The following GATAD2B variants were observed in gnomAD, a reference collection of about 807,000 sequenced individuals.
GATAD2B encodes GATA zinc finger domain containing 2B.
GATAD2B carries 8 observed loss-of-function variants against 64.3 expected under a neutral mutation model. The ratio of observed to expected loss-of-function variants is 0.12; its 90% CI spans 0.07 to 0.22. GATAD2B has a LOEUF of 0.22. Ranked by LOEUF, GATAD2B falls within the 10% of genes least tolerant of loss-of-function variation. The probability of loss-of-function intolerance (pLI) is 1.00; values close to 1 mark genes in which losing one functional copy is unlikely to be tolerated. For synonymous variants in GATAD2B, 281 were observed against 271.3 expected (o/e 1.04, Z -0.35); for missense variants, 453 against 752.0 (o/e 0.60, Z 4.65).
At chr1:153,869,707 T>C (rs1676597476) in intron 1 of GATAD2B, among the ~76,000 whole-genome samples, 1 of 152,174 alleles carries the variant, frequency 6.6e-6, no homozygotes, top group Non-Finnish European at 1.5e-5. Flanking sequence ...CACTGCTAGG[T>C]GGTGTCACTA....
At chr1:153,824,359 G>C (rs1033000258) in intron 2 of GATAD2B, among the ~76,000 whole-genome samples, 1 of 152,110 alleles carries the variant, frequency 6.6e-6, no homozygotes, top group African/African-American at 2.4e-5. Flanking sequence ...GCTAGGTGTG[G>C]TGGCTCACGC....
intron 1 of GATAD2B, among the ~76,000 whole-genome samples, chr1:153,843,993 G>C (rs939073130): frequency 6.6e-6 from 1 of 152,160 alleles, no homozygotes; most frequent in African/African-American, 2.4e-5. Flanking sequence ...GGAGGGGAGG[G>C]AGATTGAGGC....
At chr1:153,840,401 G>C (rs963542166) in intron 1 of GATAD2B, among the ~76,000 whole-genome samples, 1 of 150,770 alleles carries the variant, frequency 6.6e-6, no homozygotes, top group Non-Finnish European at 1.5e-5. Flanking sequence ...GCAATGGCGC[G>C]ATCTCGGCTC....
intron 1 of GATAD2B, among the ~76,000 whole-genome samples, chr1:153,904,637 G>T (rs777750955): frequency 6.6e-6 from 1 of 152,020 alleles, no homozygotes; most frequent in Non-Finnish European, 1.5e-5. Context: ...CACCTCATGG[G>T]TTCAAGCAAT....
At chr1:153,815,130 T>TAAAAAAAAG (rs1674421320) in intron 7 of GATAD2B, among the ~76,000 whole-genome samples, 1 of 63,828 alleles carries the variant, frequency 1.6e-5, no homozygotes, top group African/African-American at 5.8e-5. Flanking sequence ...AGAAAAAAAC[T>TAAAAAAAAG]GGCATGGTGG....
rs1020925999 is a variant in GATAD2B, at chr1:153,834,226, G to C, written c.-1-5878C>G. Among the ~76,000 whole-genome samples, 28 of 151,124 alleles carry C rather than the reference G, an allele frequency of 1.9e-4. 1 individual carries two copies. Among genetic ancestry groups the C allele is most frequent in the African/African-American group, 6.8e-4 (28 of 41,134 alleles). On this transcript the variant is annotated intron_variant, in intron 1 of 10. Transcript: ENST00000368655. ...TCACCGTGTCAGCCAGGATGGTCTC[G>C]AACTCCTGACCTCGTGATCCGCCCA...
chr1:153,884,420 G>A (rs1325984631), intron 1 of GATAD2B, among the ~76,000 whole-genome samples: 1 of 151,936 alleles, frequency 6.6e-6, no homozygotes, highest in Non-Finnish European at 1.5e-5. Flanking sequence ...TCCAGCCTGG[G>A]CGACAGAGCG....
chr1:153,894,644 C>A (rs1283528403), intron 1 of GATAD2B, among the ~76,000 whole-genome samples: 1 of 151,784 alleles, frequency 6.6e-6, no homozygotes, highest in Admixed American at 6.6e-5. Context: ...AGGCAGATCA[C>A]GAGGTCAGAA....
intron 1 of GATAD2B, among the ~76,000 whole-genome samples, chr1:153,871,419 G>C (rs1015058941): frequency 6.6e-6 from 1 of 152,038 alleles, no homozygotes; most frequent in Non-Finnish European, 1.5e-5. Context: ...GGCCAGGCTG[G>C]TCTCAAACTC....
At chr1:153,819,262 T>C (rs183502523) in intron 3 of GATAD2B, among the ~76,000 whole-genome samples, 1 of 152,342 alleles carries the variant, frequency 6.6e-6, no homozygotes, top group Admixed American at 6.5e-5. Flanking sequence ...CATAAAAACT[T>C]AGGAATCCCT....
chr1:153,873,894 A>G (rs1449832514), intron 1 of GATAD2B, among the ~76,000 whole-genome samples: 1 of 152,100 alleles, frequency 6.6e-6, no homozygotes, highest in African/African-American at 2.4e-5. Flanking sequence ...GGCTACAATA[A>G]GCTATGACTG....
intron 1 of GATAD2B, among the ~76,000 whole-genome samples, chr1:153,903,537 T>A (rs1656318416): frequency 6.6e-6 from 1 of 152,212 alleles, no homozygotes; most frequent in Non-Finnish European, 1.5e-5. Context: ...CTAGTAGTAC[T>A]CAAATTGTTC....
intron 2 of GATAD2B, among the ~76,000 whole-genome samples, chr1:153,826,264 CCG>C (rs1381513940): frequency 6.6e-6 from 1 of 152,050 alleles, no homozygotes; most frequent in Non-Finnish European, 1.5e-5. Context: ...CATGATCCAC[CCG>C]CCTCGGCCTC....
In GATAD2B at chr1:153,816,610, G is replaced by A. The variant is rs772867857; in HGVS notation, c.901-22C>T. ...ACTGCTGAAATAGATTGAGAATGCG[G>A]TCAATCATGGTATGCAGGAGAAAGG... On this transcript the variant is annotated intron_variant, in intron 6 of 10. Transcript: ENST00000368655. The surrounding 1 kb of genome is among the most constrained non-coding windows in gnomAD (Gnocchi z 4.9). The A allele has an allele frequency of 1.3e-6, 2 of 1,536,142 alleles. No homozygotes were observed. The highest frequency in any genetic ancestry group is 2.3e-5 in the East Asian group (1 of 44,362).
intron 3 of GATAD2B, among the ~76,000 whole-genome samples, 198 bp downstream of exon 3, chr1:153,819,408 C>T (rs944323741): frequency 1.3e-5 from 2 of 152,120 alleles, no homozygotes; most frequent in African/African-American, 4.8e-5. Flanking sequence ...TACATATATG[C>T]TTTTCAAACT....
At chr1:153,861,773 C>T (rs1338020467) in intron 1 of GATAD2B, among the ~76,000 whole-genome samples, 1 of 83,420 alleles carries the variant, frequency 1.2e-5, no homozygotes, top group East Asian at 3.1e-4. Context: ...CAGAGCGAGA[C>T]TCCATTTCAA....
At chr1:153,870,979 C>G (rs1445254018) in intron 1 of GATAD2B, among the ~76,000 whole-genome samples, 1 of 152,206 alleles carries the variant, frequency 6.6e-6, no homozygotes, top group East Asian at 1.9e-4. Context: ...GTGGCACGAT[C>G]TTGGCTCACT....
At chr1:153,827,783 T>C (rs1674934629) in intron 2 of GATAD2B, among the ~76,000 whole-genome samples, 1 of 152,164 alleles carries the variant, frequency 6.6e-6, no homozygotes, top group Admixed American at 6.6e-5. Flanking sequence ...TATCTAGAAA[T>C]GACCATTTTT....
At chr1:153,855,144 G>A (rs1301419863) in intron 1 of GATAD2B, among the ~76,000 whole-genome samples, 2 of 151,944 alleles carry the variant, frequency 1.3e-5, no homozygotes, top group Non-Finnish European at 2.9e-5. Flanking sequence ...TATTAATCTT[G>A]TTGGTTATAA....
Sources: gnomAD v4.1 joint callset for allele counts (sites outside exome capture counted in the v4.1 genomes callset) on GRCh38, gnomAD v4.1.1 for gene constraint, Gnocchi (gnomAD v3.1) non-coding constraint, MANE v1.5 for transcripts, NCBI Gene and HGNC (gene_info 2026-07-23, HGNC 2026-07-21) for gene names.